Variants in MBOAT2 observed in about 807,000 individuals in gnomAD.
MBOAT2 encodes membrane-bound glycerophospholipid O-acyltransferase 2.
In MBOAT2, 28 loss-of-function variants were observed where a neutral mutation model predicts 63.4. That is an observed-to-expected ratio of 0.44 (90% confidence interval 0.33 to 0.61). The LOEUF is 0.61. Ranked by LOEUF, MBOAT2 falls within the 20% of genes least tolerant of loss-of-function variation. MBOAT2 has a pLI of 0.03. For missense variants in MBOAT2, 470 were observed against 605.8 expected (o/e 0.78, Z 2.35); for synonymous variants, 211 against 215.6 (o/e 0.98, Z 0.19).
chr2:8,902,214 C>G (rs1664997023), intron 4 of MBOAT2, among the ~76,000 whole-genome samples: 1 of 152,212 alleles, frequency 6.6e-6, no homozygotes, highest in African/African-American at 2.4e-5. Context: ...GTGCTAGTCG[C>G]TTTTAACTGG....
chr2:8,950,530 C>A (rs1573143536), intron 2 of MBOAT2, among the ~76,000 whole-genome samples: 1 of 152,208 alleles, frequency 6.6e-6, no homozygotes, highest in South Asian at 2.1e-4. Context: ...CGGGTTCATG[C>A]CATTCTCCTG....
chr2:9,001,813 C>T (rs1409224631), intron 1 of MBOAT2, among the ~76,000 whole-genome samples: 8 of 152,116 alleles, frequency 5.3e-5, no homozygotes, highest in Non-Finnish European at 1.2e-4. Context: ...AATATTTCAG[C>T]ATAGCAGGGA....
At chr2:8,917,796 A>G (rs546317640) in intron 3 of MBOAT2, among the ~76,000 whole-genome samples, 70 of 152,342 alleles carry the variant, frequency 4.6e-4, no homozygotes, top group African/African-American at 1.7e-3. Flanking sequence ...CAGAAGTTTT[A>G]CTCCTAATAG....
At chr2:8,974,115 T>C (rs1328896951) in intron 1 of MBOAT2, among the ~76,000 whole-genome samples, 2 of 152,170 alleles carry the variant, frequency 1.3e-5, no homozygotes, top group East Asian at 3.8e-4. Flanking sequence ...AGCAGTATAC[T>C]TTCTCCTTGC....
intron 1 of MBOAT2, among the ~76,000 whole-genome samples, chr2:8,978,995 TG>T (rs1243445231): frequency 1.3e-5 from 2 of 152,120 alleles, no homozygotes; most frequent in African/African-American, 4.8e-5. Flanking sequence ...ACTACCTATC[TG>T]TTATTTAAAA....
chr2:8,899,219 T>C (rs1400406239), intron 4 of MBOAT2, among the ~76,000 whole-genome samples: 1 of 152,174 alleles, frequency 6.6e-6, no homozygotes, highest in Non-Finnish European at 1.5e-5. Flanking sequence ...TTGTTCCCCA[T>C]ATTCACGTAG....
chr2:8,955,054 T>C (rs921071999), intron 2 of MBOAT2, among the ~76,000 whole-genome samples: 2 of 152,156 alleles, frequency 1.3e-5, no homozygotes, highest in African/African-American at 2.4e-5. Flanking sequence ...AGCACAATTC[T>C]AGCCCTACAG....
At chr2:8,877,534 C>G (rs560236259) in intron 6 of MBOAT2, among the ~76,000 whole-genome samples, 1 of 152,330 alleles carries the variant, frequency 6.6e-6, no homozygotes, top group East Asian at 1.9e-4. Flanking sequence ...CTAACAAACA[C>G]GTGCTGTGCA....
chr2:9,002,533 T>C (rs916984353), intron 1 of MBOAT2, among the ~76,000 whole-genome samples: 1 of 152,206 alleles, frequency 6.6e-6, no homozygotes, highest in African/African-American at 2.4e-5. Context: ...TTAAGTACAC[T>C]TGAAATAACT....
chr2:8,993,068 A>G (rs372134268), intron 1 of MBOAT2, among the ~76,000 whole-genome samples: 1 of 152,328 alleles, frequency 6.6e-6, no homozygotes, highest in East Asian at 1.9e-4. Flanking sequence ...TCTATCAATA[A>G]AGACAATTGT....
chr2:8,925,784 A>G (rs183957586), intron 3 of MBOAT2, among the ~76,000 whole-genome samples: 59 of 152,374 alleles, frequency 3.9e-4, no homozygotes, highest in Non-Finnish European at 4.4e-4. Flanking sequence ...TCCACTGAAT[A>G]TGATGCATGT....
rs1055401929 is a variant in MBOAT2 at position 8,853,258 on chromosome 2, C to G, written c.*5421G>C. 2 of 152,308 alleles carry G rather than the reference C, an allele frequency of 1.3e-5. No homozygotes were observed. Among genetic ancestry groups the G allele is most frequent in the Admixed American group, 1.3e-4 (2 of 15,298 alleles). The allele number at this position is 152,308 out of a possible 1,614,324, so 9.4% of individuals were successfully genotyped here. ...AGTCACATAAAAGTGACAAGATGGA[C>G]AAGACTGGTTTGGAACACATTTGTG... On this transcript the variant is annotated 3_prime_UTR_variant, in exon 13 of 13. Coordinates refer to ENST00000305997, the MANE Select transcript of MBOAT2 (RefSeq NM_138799.4).
intron 5 of MBOAT2, among the ~76,000 whole-genome samples, chr2:8,886,047 T>C (rs987692014): frequency 6.6e-6 from 1 of 152,178 alleles, no homozygotes; most frequent in African/African-American, 2.4e-5. Flanking sequence ...GTGCCAACAA[T>C]GTGGTTTATT....
At chr2:8,873,618 T>C (rs911012464) in intron 7 of MBOAT2, among the ~76,000 whole-genome samples, 1 of 147,274 alleles carries the variant, frequency 6.8e-6, no homozygotes, top group Non-Finnish European at 1.5e-5. Flanking sequence ...TGGAAGTGAA[T>C]ATAAAAAATT....
At chr2:8,863,653 T>C (rs16866833) in intron 10 of MBOAT2, among the ~76,000 whole-genome samples, 15,608 of 152,264 alleles carry the variant, frequency 0.1, 955 homozygotes, top group African/African-American at 0.17. Context: ...GGGAACAGCA[T>C]GTGTCTGATT....
intron 4 of MBOAT2, among the ~76,000 whole-genome samples, chr2:8,900,592 G>C (rs1664847698): frequency 6.6e-6 from 1 of 152,106 alleles, no homozygotes; most frequent in African/African-American, 2.4e-5. Flanking sequence ...GTACTTTGGA[G>C]ATTTCTTTGC....
intron 12 of MBOAT2, among the ~76,000 whole-genome samples, chr2:8,859,233 A>G (rs547750516): frequency 6.6e-6 from 1 of 152,190 alleles, no homozygotes; most frequent in Admixed American, 6.5e-5. Context: ...AAATCTCCCC[A>G]ATCCAGATAA....
intron 3 of MBOAT2, among the ~76,000 whole-genome samples, chr2:8,924,441 C>T (rs981840543): frequency 1.3e-5 from 2 of 152,170 alleles, no homozygotes; most frequent in East Asian, 1.9e-4. Context: ...TGGTGATCTG[C>T]CCTGTCTCTC....
rs1661548596 is a variant in MBOAT2, at chr2:8,862,281, C to A, written c.1185+309G>T. 1.5e-6 allele frequency: 2 copies of A among 1,314,350 alleles called. No homozygotes were observed. Among genetic ancestry groups the A allele is most frequent in the African/African-American group, 1.5e-5 (1 of 66,812 alleles). The allele number at this position is 1,314,350 out of a possible 1,614,324, so 81.4% of individuals were successfully genotyped here. A position where few individuals can be genotyped will look rare whatever the true frequency, so the allele number is the denominator to read the frequency against. ...CTAAAATAAACCTACCCATTCTGAT[C>A]ATCTTTATTTAACTCAGTTTTTATC... On this transcript the variant is annotated intron_variant, in intron 11 of 12. Coordinates refer to ENST00000305997, the MANE Select transcript of MBOAT2 (RefSeq NM_138799.4). The surrounding 1 kb of genome is among the most constrained non-coding windows in gnomAD (Gnocchi z 4.3).
Sources: gnomAD v4.1 joint callset for allele counts (sites outside exome capture counted in the v4.1 genomes callset) on GRCh38, gnomAD v4.1.1 for gene constraint, Gnocchi (gnomAD v3.1) non-coding constraint, MANE v1.5 for transcripts, NCBI Gene and HGNC (gene_info 2026-07-23, HGNC 2026-07-21) for gene names.